Variants in OR2B2 observed in about 807,000 individuals in gnomAD.
OR2B2 encodes olfactory receptor family 2 subfamily B member 2, also known as olfactory receptor 2B2.
For missense variants in OR2B2, 362 were observed against 422.4 expected (o/e 0.86, Z 1.25); for synonymous variants, 137 against 150.9 (o/e 0.91, Z 0.67).
chr6:27,912,161 G>T lies in OR2B2; in HGVS notation c.159C>A (p.Phe53Leu). 6.2e-7 allele frequency: 1 copy of T among 1,614,176 alleles called. No homozygotes were observed. Among genetic ancestry groups the T allele is most frequent in the South Asian group, 1.1e-5 (1 of 91,080 alleles). Residue 53 changes from phenylalanine to leucine, a missense_variant, in exon 1 of 1, where the codon TTC (phenylalanine) becomes TTA (leucine). Transcript: ENST00000303324. The stretch of plus-strand genomic sequence containing the variant: ...AAAAGTACATAGGGGTGTGGAGTTT[G>T]AAATCCACATGTGACACAAGAATTA... Reference protein sequence around the residue: ...LTIILVSHVDFKLHTPMYFFL... With the variant: ...LTIILVSHVDLKLHTPMYFFL...
rs764079255 is a variant in OR2B2, at chr6:27,911,652, T to A, written c.668A>T (p.Gln223Leu). 6.2e-7 allele frequency: 1 copy of A among 1,613,812 alleles called. No homozygotes were observed. The change falls in exon 1 of 1, where the codon CAA becomes CTA. Residue 223 changes from glutamine (Q) to leucine (L), a missense_variant. Coordinates refer to ENST00000303324, the MANE Select transcript of OR2B2 (RefSeq NM_033057.2). ...LILISYAFIV[Q>L]AVLRIQSAEG... ...AGCAGACTGGATTCTCAACACTGCT[T>A]GGACAATAAAAGCATACGATATAAG...
chr6:27,912,133 GA>G lies in OR2B2; in HGVS notation c.186del (p.Ser64AlafsTer20), dbSNP rs759113107. 6.8e-6 allele frequency: 11 copies of G among 1,613,726 alleles called. No individual in the cohort carries two copies. Among genetic ancestry groups the G allele is most frequent in the Admixed American group, 1.7e-5 (1 of 59,910 alleles). ...DFKLHTPMYF[F>X]LSNLSLLDLC... ...AGGTCCAGGAGTGAGAGATTGCTAA[GA>G]AAAAAGTACATAGGGGTGTGGAGTT... is the stretch of plus-strand genomic sequence containing the variant. On this transcript the variant is annotated frameshift_variant, in exon 1 of 1. Coordinates refer to ENST00000303324, the MANE Select transcript of OR2B2 (RefSeq NM_033057.2). LOFTEE classifies it low-confidence loss of function (END_TRUNC).
rs773184342 is a variant in OR2B2, at chr6:27,911,459, G to A, written c.861C>T (p.Pro287=). ...FCGIIAPMLN[P]LIYTLRNKEV... ...CTTTGTTCCTAAGTGTATATATAAG[G>A]GGATTCAGCATGGGTGCAATGATTC... is the stretch of plus-strand genomic sequence containing the variant. The change falls in exon 1 of 1, where the codon CCC becomes CCT. Residue 287 remains proline (P), a synonymous_variant. Transcript: ENST00000303324. 17 of 1,613,928 alleles carry A rather than the reference G, an allele frequency of 1.1e-5. No homozygotes were observed. Among genetic ancestry groups the A allele is most frequent in the African/African-American group, 1.3e-5 (1 of 74,850 alleles).
In OR2B2 at chr6:27,911,345, GTCTTTAGCAAAGCTTA is replaced by G. The variant is rs1762192162; in HGVS notation, c.959_974del (p.Ile320ThrfsTer21). The G allele has an allele frequency of 1.2e-6, 2 of 1,613,918 alleles. No homozygotes were observed. The highest frequency in any genetic ancestry group is 4.5e-5 in the East Asian group (2 of 44,874). On this transcript the variant is annotated frameshift_variant, in exon 1 of 1. Transcript: ENST00000303324. LOFTEE classifies it low-confidence loss of function (END_TRUNC). ...AGTTAGTAAGGTAAGTAAGCACTGT[GTCTTTAGCAAAGCTTA>G]TCATTTGCATATTTCTTATTTCTTG...
chr6:27,912,363 G>A lies in OR2B2; in HGVS notation c.-44C>T. The stretch of plus-strand genomic sequence containing the variant: ...TCGTTCTCTGAAATATAAGAAGTCA[G>A]GAAGTTAACAACACACTTCCTGATT... On this transcript the variant is annotated 5_prime_UTR_variant, in exon 1 of 1. Coordinates refer to ENST00000303324, the MANE Select transcript of OR2B2 (RefSeq NM_033057.2). 7.9e-7 allele frequency: 1 copy of A among 1,263,034 alleles called. No homozygotes were observed. The highest frequency in any genetic ancestry group is 1.1e-6 in the Non-Finnish European group (1 of 907,554). The allele number at this position is 1,263,034 out of a possible 1,614,324, so 78.2% of individuals were successfully genotyped here.
rs772554485 is a variant in OR2B2, at chr6:27,912,032, G to A, written c.288C>T (p.Gly96=). The change falls in exon 1 of 1, where the codon GGC becomes GGT. Residue 96 remains glycine, a synonymous_variant. Transcript: ENST00000303324. ...CNTRKVISYG[G]CVAQLFIFLA... ...GGAAAATGAAAAGCTGGGCCACACA[G>A]CCACCATAACTGATTACTTTCCTGG... is the stretch of plus-strand genomic sequence containing the variant. 4 of 1,614,182 alleles carry A rather than the reference G, an allele frequency of 2.5e-6. No individual in the cohort carries two copies. Among genetic ancestry groups the A allele is most frequent in the East Asian group, 4.5e-5 (2 of 44,886 alleles).
Position 27,911,256 on chromosome 6 carries a change from T to TCCC in OR2B2, c.1063_1064insGGG (p.Lys355delinsArgGlu). ...AAATATAGCTTTTTGTCAAGGAAAT[T>TCCC]TTCTTTGAGGGAGATTACAATAGTT... On this transcript the variant is annotated protein_altering_variant, in exon 1 of 1. Transcript: ENST00000303324. The TCCC allele has an allele frequency of 6.5e-7, 1 of 1,546,298 alleles. No homozygotes were observed. The highest frequency in any genetic ancestry group is 2.1e-5 in the Admixed American group (1 of 48,036).
chr6:27,912,078 A>G lies in OR2B2; in HGVS notation c.242T>C (p.Met81Thr), dbSNP rs1561758860. The change falls in exon 1 of 1, where the codon ATG (methionine) becomes ACG (threonine). Residue 81 changes from methionine to threonine, a missense_variant. Transcript: ENST00000303324. ...CCTGGTGTTGCATATGTTTACCAGC[A>G]TTTGTGGAACTGTACTTGTGGTATA... The part of the protein sequence containing the change: ...LCYTTSTVPQ[M>T]LVNICNTRKV... 1.9e-6 allele frequency: 3 copies of G among 1,614,220 alleles called. No homozygotes were observed. The highest frequency in any genetic ancestry group is 2.5e-6 in the Non-Finnish European group (3 of 1,180,040).
rs1762206374 is a variant in OR2B2, at chr6:27,912,080, T to A, written c.240A>T (p.Gln80His). ...DLCYTTSTVP[Q>H]MLVNICNTRK... ...TGGTGTTGCATATGTTTACCAGCAT[T>A]TGTGGAACTGTACTTGTGGTATAGC... Residue 80 changes from glutamine (Q) to histidine (H), a missense_variant, in exon 1 of 1, where the codon CAA becomes CAT. By Grantham distance (24) the Gln-to-His change is conservative. Transcript: ENST00000303324. 1.9e-6 allele frequency: 3 copies of A among 1,614,078 alleles called. No homozygotes were observed. In the African/African-American group the frequency reaches 4.0e-5, roughly 22 times the overall value.
At position 27,911,742 on chromosome 6, in the gene OR2B2, G is replaced by A. The variant is rs774501936; in HGVS notation, c.578C>T (p.Thr193Ile). ...ALLKLSCVDT[T>I]ANEAELFFIS... ...GAAGAATAGTTCAGCCTCATTTGCT[G>A]TTGTGTCAACACAGGACAACTTGAG... Residue 193 changes from threonine to isoleucine, a missense_variant, in exon 1 of 1, where the codon ACA becomes ATA. By Grantham distance (89) the Thr-to-Ile change is moderately conservative. Coordinates refer to ENST00000303324, the MANE Select transcript of OR2B2 (RefSeq NM_033057.2). The A allele has an allele frequency of 6.2e-7, 1 of 1,613,320 alleles. No individual in the cohort carries two copies.
At position 27,912,155 on chromosome 6, in the gene OR2B2, G is replaced by A. The variant is rs1473314004; in HGVS notation, c.165C>T (p.Leu55=). The A allele has an allele frequency of 6.2e-6, 10 of 1,614,206 alleles. No individual in the cohort carries two copies. Among genetic ancestry groups the A allele is most frequent in the Middle Eastern group, 1.6e-4 (1 of 6,062 alleles). The part of the protein sequence containing the change: ...IILVSHVDFK[L]HTPMYFFLSN... ...TAAGAAAAAAGTACATAGGGGTGTG[G>A]AGTTTGAAATCCACATGTGACACAA... is the stretch of plus-strand genomic sequence containing the variant. The change falls in exon 1 of 1, where the codon CTC becomes CTT. Residue 55 remains leucine (L), a synonymous_variant. Transcript: ENST00000303324.
In OR2B2 at chr6:27,911,874, C is replaced by A. The variant is rs747389936; in HGVS notation, c.446G>T (p.Trp149Leu). 23 of 1,613,990 alleles carry A rather than the reference C, an allele frequency of 1.4e-5. No homozygotes were observed. The highest frequency in any genetic ancestry group is 1.8e-5 in the Non-Finnish European group (21 of 1,180,004). Residue 149 changes from tryptophan (W) to leucine (L), a missense_variant, in exon 1 of 1, where the codon TGG (tryptophan) becomes TTG (leucine). Coordinates refer to ENST00000303324, the MANE Select transcript of OR2B2 (RefSeq NM_033057.2). ...TACTGAATTGCTAAAGCCACTAATC[C>A]AGGATGCAGCTGCCAACTGGAAGCA... ...RLCFQLAAAS[W>L]ISGFSNSVLQ...
chr6:27,912,167 C>T lies in OR2B2; in HGVS notation c.153G>A (p.Val51=), dbSNP rs1762208031. ...GNLTIILVSH[V]DFKLHTPMYF... is the part of the protein sequence containing the mutation. Reference sequence around the variant, plus strand: ...ACATAGGGGTGTGGAGTTTGAAATCCACATGTGACACAAGAATTATTGTCA... The same window carrying T: ...ACATAGGGGTGTGGAGTTTGAAATCTACATGTGACACAAGAATTATTGTCA... Residue 51 remains valine, a synonymous_variant, in exon 1 of 1, where the codon GTG becomes GTA. Coordinates refer to ENST00000303324, the MANE Select transcript of OR2B2 (RefSeq NM_033057.2). The T allele has an allele frequency of 6.2e-7, 1 of 1,614,084 alleles. No individual in the cohort carries two copies. Among genetic ancestry groups the T allele is most frequent in the Admixed American group, 1.7e-5 (1 of 59,984 alleles).
chr6:27,911,295 AC>A lies in OR2B2; in HGVS notation c.1024del (p.Val342SerfsTer4). On this transcript the variant is annotated frameshift_variant, in exon 1 of 1. Coordinates refer to ENST00000303324, the MANE Select transcript of OR2B2 (RefSeq NM_033057.2). LOFTEE classifies it low-confidence loss of function (END_TRUNC). ...ATTACAATAGTTTTCTATAGTAATG[AC>A]AAAAATAGGACAACTTGCGGAGAAG... Reference protein sequence around the residue: ...TNFSASCPIFVITIENYCNLP... With the variant: ...TNFSASCPIFXITIENYCNLP... 1 of 1,602,296 alleles carries A rather than the reference AC, an allele frequency of 6.2e-7. No homozygotes were observed. Among genetic ancestry groups the A allele is most frequent in the Non-Finnish European group, 8.5e-7 (1 of 1,176,492 alleles).
In OR2B2 at chr6:27,912,265, C is replaced by T. The variant is rs750943860; in HGVS notation, c.55G>A (p.Asp19Asn). The T allele has an allele frequency of 6.2e-7, 1 of 1,613,366 alleles. No individual in the cohort carries two copies. The highest frequency in any genetic ancestry group is 8.5e-7 in the Non-Finnish European group (1 of 1,179,610). The part of the protein sequence containing the change: ...PQEFILLVFS[D>N]QPWLEIPPFV... ...GGTGGAATCTCTAGCCATGGTTGAT[C>T]TGAGAAAACTAACAGAATGAACTCC... is the stretch of plus-strand genomic sequence containing the variant. The change falls in exon 1 of 1, where the codon GAT becomes AAT. Residue 19 changes from aspartate (D) to asparagine (N), a missense_variant. By Grantham distance (23) the Asp-to-Asn change is conservative. Transcript: ENST00000303324.
chr6:27,911,841 G>C lies in OR2B2; in HGVS notation c.479C>G (p.Ser160Cys). Residue 160 changes from serine to cysteine, a missense_variant, in exon 1 of 1, where the codon TCC becomes TGC. By Grantham distance (112) the Ser-to-Cys change is moderately radical (BLOSUM62 -1). Coordinates refer to ENST00000303324, the MANE Select transcript of OR2B2 (RefSeq NM_033057.2). The stretch of plus-strand genomic sequence containing the variant: ...CAGTGGCATCTTAAGTGTCCAGGTG[G>C]ACTGTAATACTGAATTGCTAAAGCC... ...ISGFSNSVLQ[S>C]TWTLKMPLCG... 1 of 1,614,178 alleles carries C rather than the reference G, an allele frequency of 6.2e-7. No individual in the cohort carries two copies. Among genetic ancestry groups the C allele is most frequent in the Non-Finnish European group, 8.5e-7 (1 of 1,180,020 alleles).
rs541262152 is a variant in OR2B2, at chr6:27,911,916, A to T, written c.404T>A (p.Ile135Asn). Residue 135 changes from isoleucine (I) to asparagine (N), a missense_variant, in exon 1 of 1, where the codon ATC becomes AAC. Physicochemically the swap from Ile to Asn is moderately radical, Grantham distance 149. Transcript: ENST00000303324. Reference sequence around the variant, plus strand: ...CTGGAAGCAGAGCCTCTGGTGCATGATAATTGAGTAATGGAGAGGCCGACA... The same window carrying T: ...CTGGAAGCAGAGCCTCTGGTGCATGTTAATTGAGTAATGGAGAGGCCGACA... ...AICRPLHYSI[I>N]MHQRLCFQLA... is the part of the protein sequence containing the mutation. The T allele has an allele frequency of 3.1e-6, 5 of 1,614,182 alleles. No homozygotes were observed. The highest frequency in any genetic ancestry group is 4.2e-6 in the Non-Finnish European group (5 of 1,180,020).
In OR2B2 at chr6:27,911,196, G is replaced by A. The variant is rs773292384; in HGVS notation, c.*50C>T. On this transcript the variant is annotated 3_prime_UTR_variant, in exon 1 of 1. Coordinates refer to ENST00000303324, the MANE Select transcript of OR2B2 (RefSeq NM_033057.2). ...GGTGCATTGGAAGGCCAATTCTGGG[G>A]GCTTGTTCAATGAAAATGTTTAGGC... The A allele has an allele frequency of 8.3e-7, 1 of 1,200,992 alleles. No homozygotes were observed. The highest frequency in any genetic ancestry group is 2.3e-5 in the Admixed American group (1 of 43,692). The allele number at this position is 1,200,992 out of a possible 1,614,324, so 74.4% of individuals were successfully genotyped here. A position where few individuals can be genotyped will look rare whatever the true frequency, so the allele number is the denominator to read the frequency against.
In OR2B2 at chr6:27,912,112, C is replaced by T; in HGVS notation, c.208G>A (p.Asp70Asn). The change falls in exon 1 of 1, where the codon GAC becomes AAC. Residue 70 changes from aspartate to asparagine, a missense_variant. Transcript: ENST00000303324. The part of the protein sequence containing the change: ...YFFLSNLSLL[D>N]LCYTTSTVPQ... ...ACTGTACTTGTGGTATAGCAAAGGT[C>T]CAGGAGTGAGAGATTGCTAAGAAAA... 6.2e-7 allele frequency: 1 copy of T among 1,614,072 alleles called. No homozygotes were observed. Among genetic ancestry groups the T allele is most frequent in the Non-Finnish European group, 8.5e-7 (1 of 1,180,014 alleles).
Sources: allele counts gnomAD v4.1 joint callset, GRCh38; gene constraint gnomAD v4.1.1; transcripts MANE v1.5; gene names NCBI Gene and HGNC (gene_info 2026-07-23, HGNC 2026-07-21).